Variants in ZNF316 observed in about 807,000 individuals in gnomAD.
ZNF316 encodes zinc finger protein 316.
Under a neutral mutation model 75.6 loss-of-function variants are expected in ZNF316, and 23 were observed. The observed-to-expected ratio is 0.30, with a 90% CI of 0.22 to 0.43. The LOEUF (loss-of-function observed/expected upper bound fraction) is 0.43. Ranked by LOEUF, ZNF316 falls within the 20% of genes least tolerant of loss-of-function variation. The pLI is 1.00. For missense variants in ZNF316, 1,266 were observed against 1,409.4 expected (o/e 0.90, Z 1.63); for synonymous variants, 827 against 666.2 (o/e 1.24, Z -3.72).
rs184194099 is a variant in ZNF316 at position 6,645,864 on chromosome 7, C to T, written c.706+1271C>T. Reference sequence around the variant, plus strand: ...CAAAAATTAGCTGGGTGTGGTGGTGCGCGCCTGTAGTCCCAGCTACTTGGG... The same window carrying T: ...CAAAAATTAGCTGGGTGTGGTGGTGTGCGCCTGTAGTCCCAGCTACTTGGG... On this transcript the variant is annotated intron_variant, in intron 8 of 8. Coordinates refer to ENST00000382252, the MANE Select transcript of ZNF316 (RefSeq NM_001278559.2). Among the ~76,000 whole-genome samples the T allele has an allele frequency of 1.5e-3, 217 of 142,418 alleles. 3 individuals are homozygous for T. Among genetic ancestry groups the T allele is most frequent in the Middle Eastern group, 4.3e-3 (1 of 232 alleles). 93.4% of individuals were successfully genotyped at this position (142,418 alleles called of 152,430 possible).
chr7:6,646,364 A>G (rs894628405), intron 8 of ZNF316, among the ~76,000 whole-genome samples: 2 of 152,214 alleles, frequency 1.3e-5, no homozygotes, highest in Admixed American at 6.5e-5. Flanking sequence ...AGAAGGGGAC[A>G]CAGACCTGCG....
Position 6,652,353 on chromosome 7 carries a change from G to C in ZNF316, c.757G>C (p.Glu253Gln). ...DIEDHEEEDD[E>Q]DFLAEVAEEE... is the part of the protein sequence containing the mutation. ...AGAGGACCACGAGGAGGAAGACGAC[G>C]AGGACTTCCTGGCGGAGGTGGCCGA... The change falls in exon 9 of 9, where the codon GAG becomes CAG. Residue 253 changes from glutamate (E) to glutamine (Q), a missense_variant. Glu to Gln is a conservative substitution (Grantham distance 29). Transcript: ENST00000382252. 8.1e-7 allele frequency: 1 copy of C among 1,232,418 alleles called. No homozygotes were observed. The highest frequency in any genetic ancestry group is 1.0e-6 in the Non-Finnish European group (1 of 988,124). 76.3% of individuals were successfully genotyped at this position (1,232,418 alleles called of 1,614,324 possible).
At chr7:6,649,636 A>G (rs1779469481) in intron 8 of ZNF316, among the ~76,000 whole-genome samples, 1 of 152,058 alleles carries the variant, frequency 6.6e-6, no homozygotes, top group Non-Finnish European at 1.5e-5. Context: ...GACCCTTCCC[A>G]GGGGCCCTGC....
chr7:6,650,343 C>T (rs926047596), intron 8 of ZNF316, among the ~76,000 whole-genome samples: 1 of 152,204 alleles, frequency 6.6e-6, no homozygotes, highest in Non-Finnish European at 1.5e-5. Context: ...GTAGACTCAA[C>T]TTAGTGACAA....
In ZNF316 at chr7:6,652,319, G is replaced by A; in HGVS notation, c.723G>A (p.Thr241=). 8.1e-7 allele frequency: 1 copy of A among 1,232,336 alleles called. No individual in the cohort carries two copies. Among genetic ancestry groups the A allele is most frequent in the East Asian group, 3.2e-5 (1 of 31,696 alleles). The allele number at this position is 1,232,336 out of a possible 1,614,324, so 76.3% of individuals were successfully genotyped here. A position where few individuals can be genotyped will look rare whatever the true frequency, so the allele number is the denominator to read the frequency against. ...TGVYTGAWFW[T]DDIEDHEEED... ...CACCTTCAGGAGCCTGGTTCTGGAC[G>A]GACGACATAGAGGACCACGAGGAGG... The change falls in exon 9 of 9, where the codon ACG becomes ACA. Residue 241 remains threonine, a synonymous_variant. Coordinates refer to ENST00000382252, the MANE Select transcript of ZNF316 (RefSeq NM_001278559.2).
rs971244813 is a variant in ZNF316, at chr7:6,642,721, T to C, written c.312T>C (p.Leu104=). ...ECPALGTQER[L]SRGGDAKSPV... The stretch of plus-strand genomic sequence containing the variant: ...CGGCGTTGGGGACCCAGGAGCGACT[T>C]AGCCGTGGTGGTGATGCCAAGTCCC... The change falls in exon 5 of 9, where the codon CTT becomes CTC. Residue 104 remains leucine, a synonymous_variant. Coordinates refer to ENST00000382252, the MANE Select transcript of ZNF316 (RefSeq NM_001278559.2). This position sits in a 1 kb window ranked among gnomAD's most constrained non-coding sequence, Gnocchi z 8.1. 1 of 1,233,498 alleles carries C rather than the reference T, an allele frequency of 8.1e-7. No homozygotes were observed. The highest frequency in any genetic ancestry group is 4.2e-5 in the Admixed American group (1 of 23,692). 76.4% of individuals were successfully genotyped at this position (1,233,498 alleles called of 1,614,324 possible). A position where few individuals can be genotyped will look rare whatever the true frequency, so the allele number is the denominator to read the frequency against.
In ZNF316 at chr7:6,644,591, C is replaced by G; in HGVS notation, c.704C>G (p.Thr235Arg). 3 of 1,231,238 alleles carry G rather than the reference C, an allele frequency of 2.4e-6. No individual in the cohort carries two copies. The highest frequency in any genetic ancestry group is 3.0e-6 in the Non-Finnish European group (3 of 987,016). 76.3% of individuals were successfully genotyped at this position (1,231,238 alleles called of 1,614,324 possible). Reference protein sequence around the residue: ...EEGDIVTGVYTGAWFWTDDIE... With the variant: ...EEGDIVTGVYRGAWFWTDDIE... Reference sequence around the variant, plus strand: ...GGAGACATCGTCACTGGCGTCTACACAGGTGAGCGTGGATGGAATTTTGCG... The same window carrying G: ...GGAGACATCGTCACTGGCGTCTACAGAGGTGAGCGTGGATGGAATTTTGCG... The change falls in exon 8 of 9, where the codon ACA (threonine) becomes AGA (arginine). Residue 235 changes from threonine (T) to arginine (R), a missense_variant and splice_region_variant. Thr to Arg is a moderately conservative substitution (Grantham distance 71). This residue lies in a region of ZNF316 where 961 missense variants were observed against 990.9 expected (regional missense o/e 0.97). Coordinates refer to ENST00000382252, the MANE Select transcript of ZNF316 (RefSeq NM_001278559.2).
In ZNF316 at chr7:6,652,512, G is replaced by C; in HGVS notation, c.916G>C (p.Val306Leu). 8.1e-7 allele frequency: 1 copy of C among 1,231,316 alleles called. No homozygotes were observed. Among genetic ancestry groups the C allele is most frequent in the African/African-American group, 1.6e-5 (1 of 64,510 alleles). 76.3% of individuals were successfully genotyped at this position (1,231,316 alleles called of 1,614,324 possible). A position where few individuals can be genotyped will look rare whatever the true frequency, so the allele number is the denominator to read the frequency against. The change falls in exon 9 of 9, where the codon GTC becomes CTC. Residue 306 changes from valine (V) to leucine (L), a missense_variant. This residue lies in a region of ZNF316 where 961 missense variants were observed against 990.9 expected (regional missense o/e 0.97). Transcript: ENST00000382252. ...GGGACCCGACCCAGGCGGCCTGGGG[G>C]TCCTGGCCGACGGCTCTGAAGCGAA... is the stretch of plus-strand genomic sequence containing the variant. The part of the protein sequence containing the change: ...GWGPDPGGLG[V>L]LADGSEAKPF...
chr7:6,654,419 C>G lies in ZNF316; in HGVS notation c.2823C>G (p.Thr941=), dbSNP rs940985297. The change falls in exon 9 of 9, where the codon ACC becomes ACG. Residue 941 remains threonine, a synonymous_variant. Coordinates refer to ENST00000382252, the MANE Select transcript of ZNF316 (RefSeq NM_001278559.2). ...LTHMKTHRGA[T]AAPGSGSAPA... ...ACATGAAGACGCACCGCGGAGCCAC[C>G]GCAGCGCCGGGCTCGGGTTCGGCCC... 2 of 1,210,634 alleles carry G rather than the reference C, an allele frequency of 1.7e-6. No individual in the cohort carries two copies. Among genetic ancestry groups the G allele is most frequent in the Non-Finnish European group, 2.1e-6 (2 of 974,704 alleles). 75.0% of individuals were successfully genotyped at this position (1,210,634 alleles called of 1,614,324 possible).
chr7:6,642,297 C>G lies in ZNF316; in HGVS notation c.-28-85C>G. 1 of 610,168 alleles carries G rather than the reference C, an allele frequency of 1.6e-6. No homozygotes were observed. Among genetic ancestry groups the G allele is most frequent in the Non-Finnish European group, 2.4e-6 (1 of 421,702 alleles). 37.8% of individuals were successfully genotyped at this position (610,168 alleles called of 1,614,324 possible). On this transcript the variant is annotated intron_variant, in intron 4 of 8. Coordinates refer to ENST00000382252, the MANE Select transcript of ZNF316 (RefSeq NM_001278559.2). This position sits in a 1 kb window ranked among gnomAD's most constrained non-coding sequence, Gnocchi z 8.1. ...GGAGGAGTAAATCCTGCTCCCTGCG[C>G]CCCCGCCAGGCTGCGGGAGACCCTG...
chr7:6,638,424 A>C (rs1336835438), intron 2 of ZNF316, among the ~76,000 whole-genome samples: 1 of 152,116 alleles, frequency 6.6e-6, no homozygotes, highest in Non-Finnish European at 1.5e-5. Flanking sequence ...GAGGGAATGA[A>C]GGGGGCTAGA....
chr7:6,642,305 A>G lies in ZNF316; in HGVS notation c.-28-77A>G, dbSNP rs1779323727. 1.4e-6 allele frequency: 1 copy of G among 690,556 alleles called. No individual in the cohort carries two copies. Among genetic ancestry groups the G allele is most frequent in the Non-Finnish European group, 2.0e-6 (1 of 493,840 alleles). The allele number at this position is 690,556 out of a possible 1,614,324, so 42.8% of individuals were successfully genotyped here. Reference sequence around the variant, plus strand: ...AAATCCTGCTCCCTGCGCCCCCGCCAGGCTGCGGGAGACCCTGTGAGGGGA... The same window carrying G: ...AAATCCTGCTCCCTGCGCCCCCGCCGGGCTGCGGGAGACCCTGTGAGGGGA... On this transcript the variant is annotated intron_variant, in intron 4 of 8. Coordinates refer to ENST00000382252, the MANE Select transcript of ZNF316 (RefSeq NM_001278559.2). This position sits in a 1 kb window ranked among gnomAD's most constrained non-coding sequence, Gnocchi z 8.1.
At position 6,642,717 on chromosome 7, in the gene ZNF316, G is replaced by A. The variant is rs1316306089; in HGVS notation, c.308G>A (p.Arg103Gln). The A allele has an allele frequency of 7.3e-6, 9 of 1,233,762 alleles. No homozygotes were observed. The highest frequency in any genetic ancestry group is 8.4e-5 in the Admixed American group (2 of 23,714). The allele number at this position is 1,233,762 out of a possible 1,614,324, so 76.4% of individuals were successfully genotyped here. Residue 103 changes from arginine to glutamine, a missense_variant, in exon 5 of 9, where the codon CGA becomes CAA. Around this residue, in one of 3 missense-constraint regions of ZNF316, gnomAD observed 961 missense variants for 990.9 expected, o/e 0.97. Transcript: ENST00000382252. The surrounding 1 kb of genome is among the most constrained non-coding windows in gnomAD (Gnocchi z 8.1). ...EECPALGTQERLSRGGDAKSP... is the reference protein window; with the variant it reads ...EECPALGTQEQLSRGGDAKSP... ...TGTCCGGCGTTGGGGACCCAGGAGC[G>A]ACTTAGCCGTGGTGGTGATGCCAAG...
At position 6,639,894 on chromosome 7, in the gene ZNF316, C is replaced by T. The variant is rs552726151; in HGVS notation, c.-167+753C>T. The stretch of plus-strand genomic sequence containing the variant: ...TGGATTTCGACACTTTGGGCATCTT[C>T]ACACGCCAAAGAGCTGTGGACACTG... On this transcript the variant is annotated intron_variant, in intron 3 of 8. Coordinates refer to ENST00000382252, the MANE Select transcript of ZNF316 (RefSeq NM_001278559.2). This position sits in a 1 kb window ranked among gnomAD's most constrained non-coding sequence, Gnocchi z 4.2. 1.3e-5 allele frequency among the ~76,000 whole-genome samples: 2 copies of T among 152,180 alleles called. No individual in the cohort carries two copies. The highest frequency in any genetic ancestry group is 2.9e-5 in the Non-Finnish European group (2 of 68,040).
In ZNF316 at chr7:6,652,438, G is replaced by A; in HGVS notation, c.842G>A (p.Gly281Glu). Reference protein sequence around the residue: ...SAAYGVGDVPGTWGPDDSDSA... With the variant: ...SAAYGVGDVPETWGPDDSDSA... ...GCCTACGGCGTGGGGGACGTGCCTGGGACGTGGGGGCCCGACGACTCGGAT... is the reference window on the plus strand; with the variant it reads ...GCCTACGGCGTGGGGGACGTGCCTGAGACGTGGGGGCCCGACGACTCGGAT... Residue 281 changes from glycine (G) to glutamate (E), a missense_variant, in exon 9 of 9, where the codon GGG becomes GAG. By Grantham distance (98) the Gly-to-Glu change is moderately conservative. Coordinates refer to ENST00000382252, the MANE Select transcript of ZNF316 (RefSeq NM_001278559.2). 8.1e-7 allele frequency: 1 copy of A among 1,232,078 alleles called. No individual in the cohort carries two copies. Among genetic ancestry groups the A allele is most frequent in the Non-Finnish European group, 1.0e-6 (1 of 987,922 alleles). 76.3% of individuals were successfully genotyped at this position (1,232,078 alleles called of 1,614,324 possible).
chr7:6,657,831 CAAAAAAA>C lies in ZNF316; in HGVS notation c.*3240_*3246del, dbSNP rs747347808. 2.5e-4 allele frequency among the ~76,000 whole-genome samples: 7 copies of C among 27,696 alleles called. No individual in the cohort carries two copies. Among genetic ancestry groups the C allele is most frequent in the African/African-American group, 1.1e-3 (7 of 6,234 alleles). 18.2% of individuals were successfully genotyped at this position (27,696 alleles called of 152,430 possible). On this transcript the variant is annotated 3_prime_UTR_variant, in exon 9 of 9. Coordinates refer to ENST00000382252, the MANE Select transcript of ZNF316 (RefSeq NM_001278559.2). Reference sequence around the variant, plus strand: ...GTGACAGAACAAGACCCTATCTCACCAAAAAAAAAAAAAAAAAAAAAAAAAAGGTTCC... The same window carrying C: ...GTGACAGAACAAGACCCTATCTCACCAAAAAAAAAAAAAAAAAAAGGTTCC...
chr7:6,652,594 C>T lies in ZNF316; in HGVS notation c.998C>T (p.Pro333Leu), dbSNP rs983164199. ...AACCTGCTGTCGCCCTGGGCGTTCC[C>T]CGCCGCAGTGGCCCCGCCGGCCGGG... ...GANLLSPWAF[P>L]AAVAPPAGRP... Residue 333 changes from proline to leucine, a missense_variant, in exon 9 of 9, where the codon CCC becomes CTC. By Grantham distance (98) the Pro-to-Leu change is moderately conservative (BLOSUM62 -3). Transcript: ENST00000382252. 1.8e-5 allele frequency: 22 copies of T among 1,230,454 alleles called. No homozygotes were observed. Among genetic ancestry groups the T allele is most frequent in the African/African-American group, 4.7e-5 (3 of 64,364 alleles). 76.2% of individuals were successfully genotyped at this position (1,230,454 alleles called of 1,614,324 possible). A position where few individuals can be genotyped will look rare whatever the true frequency, so the allele number is the denominator to read the frequency against.
At position 6,652,781 on chromosome 7, in the gene ZNF316, C is replaced by CA; in HGVS notation, c.1186dup (p.Thr396AsnfsTer120). On this transcript the variant is annotated frameshift_variant, in exon 9 of 9. Coordinates refer to ENST00000382252, the MANE Select transcript of ZNF316 (RefSeq NM_001278559.2). LOFTEE classifies it high-confidence loss of function. ...ACTTGGCCATCCACCAGCGCACGCA[C>CA]ACCGGCGAGAAGCCCTTCCCGTGCC... 7.8e-7 allele frequency: 1 copy of CA among 1,273,986 alleles called. No individual in the cohort carries two copies. The highest frequency in any genetic ancestry group is 9.9e-7 in the Non-Finnish European group (1 of 1,009,494). 78.9% of individuals were successfully genotyped at this position (1,273,986 alleles called of 1,614,324 possible).
At chr7:6,650,891 T>C (rs1357987926) in intron 8 of ZNF316, among the ~76,000 whole-genome samples, 1 of 151,998 alleles carries the variant, frequency 6.6e-6, no homozygotes, top group Non-Finnish European at 1.5e-5. Context: ...CCCTCCTGGG[T>C]GCGTCACGAT....
Sources: gnomAD v4.1 joint callset for allele counts (sites outside exome capture counted in the v4.1 genomes callset) on GRCh38, gnomAD v4.1.1 for gene constraint, gnomAD v4.1.1 regional missense constraint, Gnocchi (gnomAD v3.1) non-coding constraint, MANE v1.5 for transcripts, NCBI Gene and HGNC (gene_info 2026-07-23, HGNC 2026-07-21) for gene names.